RBM19: variants seen among roughly 807,000 people sequenced by gnomAD.
RBM19 encodes the protein RNA binding motif protein 19, also known as probable RNA-binding protein 19.
A neutral mutation model predicts 116.8 loss-of-function variants in RBM19; 94 were observed. The observed-to-expected ratio is 0.80, with a 90% CI of 0.68 to 0.95. The LOEUF (loss-of-function observed/expected upper bound fraction) is 0.95, where lower values mean the gene tolerates loss of function less well. RBM19 is among the 40% of genes least tolerant of loss of function. The pLI is 0.00. For synonymous variants in RBM19, 475 were observed against 494.1 expected, an observed-to-expected ratio of 0.96 and a Z score of 0.51; for missense variants, 1,161 against 1,220.7, an observed-to-expected ratio of 0.95 and a Z score of 0.73.
intron 21 of RBM19, among the ~76,000 whole-genome samples, chr12:113,895,885 A>G (rs892101002): frequency 6.6e-6 from 1 of 150,540 alleles, no homozygotes; most frequent in Non-Finnish European, 1.5e-5. Flanking sequence ...CATATAGGAT[A>G]TATTTTATAT....
intron 16 of RBM19, among the ~76,000 whole-genome samples, chr12:113,931,218 C>G (rs1208486715): frequency 1.3e-5 from 2 of 152,088 alleles, no homozygotes; most frequent in Non-Finnish European, 2.9e-5. Context: ...CAGCAAAGTG[C>G]AGGTGTATAC....
At chr12:113,883,042 CAGAG>C (rs567200530) in intron 21 of RBM19, among the ~76,000 whole-genome samples, 5 of 149,782 alleles carry the variant, frequency 3.3e-5, no homozygotes, top group East Asian at 1.9e-4. Flanking sequence ...GAAAGAGAGA[CAGAG>C]AGAGAGAGAG....
Position 113,927,065 on chromosome 12 carries a change from T to G in RBM19, c.2233A>C (p.Lys745Gln), listed in dbSNP as rs754425485. 6.2e-7 allele frequency: 1 copy of G among 1,612,942 alleles called. No homozygotes were observed. Among genetic ancestry groups the G allele is most frequent in the East Asian group, 2.2e-5 (1 of 44,886 alleles). Residue 745 changes from lysine to glutamine, a missense_variant, in exon 17 of 24, where the codon AAG becomes CAG. Coordinates refer to ENST00000261741, the MANE Select transcript of RBM19 (RefSeq NM_016196.4). Reference protein sequence around the residue: ...KNLNFDTTEEKLKEVFSKVGT... With the variant: ...KNLNFDTTEEQLKEVFSKVGT... Reference sequence around the variant, plus strand: ...GAGAAACCACTCACTTCCTTCAGCTTCTCTTCTGTTGTGTCAAAATTGAGA... The same window carrying G: ...GAGAAACCACTCACTTCCTTCAGCTGCTCTTCTGTTGTGTCAAAATTGAGA...
chr12:113,852,389 G>A (rs894400849), intron 22 of RBM19, among the ~76,000 whole-genome samples: 2 of 152,176 alleles, frequency 1.3e-5, no homozygotes, highest in Non-Finnish European at 2.9e-5. Context: ...ATGCAAGCTC[G>A]GGATTCAAAC....
intron 21 of RBM19, among the ~76,000 whole-genome samples, chr12:113,889,132 C>T (rs1190293886): frequency 3.3e-5 from 5 of 152,214 alleles, no homozygotes; most frequent in Non-Finnish European, 7.3e-5. Flanking sequence ...CCCTACAGGC[C>T]ACAGTCTCTC....
intron 21 of RBM19, among the ~76,000 whole-genome samples, chr12:113,869,187 G>C (rs1196257511): frequency 6.6e-6 from 1 of 152,208 alleles, no homozygotes; most frequent in Non-Finnish European, 1.5e-5. Flanking sequence ...GTGAACATCA[G>C]GAGTTCCCAG....
rs1216191078 is a variant in RBM19, at chr12:113,942,408, G to A, written c.1653C>T (p.Arg551=). ...DHETKGSVAV[R]VALGETQLVQ... Reference sequence around the variant, plus strand: ...CGAGCTGGGTTTCCCCCAGAGCCACGCGCACGGCCACGCTGCCCTTGGTCT... The same window carrying A: ...CGAGCTGGGTTTCCCCCAGAGCCACACGCACGGCCACGCTGCCCTTGGTCT... The change falls in exon 14 of 24, where the codon CGC becomes CGT. Residue 551 remains arginine (R), a synonymous_variant. Transcript: ENST00000261741. 6.2e-6 allele frequency: 10 copies of A among 1,608,552 alleles called. No individual in the cohort carries two copies. The highest frequency in any genetic ancestry group is 2.2e-5 in the South Asian group (2 of 90,946).
intron 23 of RBM19, among the ~76,000 whole-genome samples, chr12:113,841,422 C>CTTTTTTTTTTT (rs71089416): frequency 1.4e-4 from 18 of 129,986 alleles, no homozygotes; most frequent in East Asian, 4.4e-4. Context: ...TTTTTCTTTT[C>CTTTTTTTTTTT]TTTTTTTTTT....
Position 113,823,039 on chromosome 12 carries a change from G to A in RBM19, c.*185C>T, listed in dbSNP as rs1225885066. The A allele has an allele frequency of 6.7e-6, 4 of 597,440 alleles. No homozygotes were observed. In the East Asian group the frequency reaches 1.1e-4, roughly 17 times the overall value. 37.0% of individuals were successfully genotyped at this position (597,440 alleles called of 1,614,324 possible). A position where few individuals can be genotyped will look rare whatever the true frequency, so the allele number is the denominator to read the frequency against. On this transcript the variant is annotated 3_prime_UTR_variant, in exon 24 of 24. Coordinates refer to ENST00000261741, the MANE Select transcript of RBM19 (RefSeq NM_016196.4). ...GTCACTGGTGAAACCCAGGATGCCT[G>A]GGCCGCTGGGCAGTGGCCTGAGGCC... is the stretch of plus-strand genomic sequence containing the variant.
chr12:113,934,713 G>A (rs998362380), intron 16 of RBM19, among the ~76,000 whole-genome samples: 2 of 152,178 alleles, frequency 1.3e-5, no homozygotes, highest in African/African-American at 4.8e-5. Flanking sequence ...ATTTGTGAGA[G>A]TGGGGACAAA....
At position 113,966,249 on chromosome 12, in the gene RBM19, T is replaced by G. The variant is rs372221120; in HGVS notation, c.-22A>C. ...ACATGGCGCAGGGTCCCCGCTGTTT[T>G]GATTCCAACACGACTGGTCAGCGTC... On this transcript the variant is annotated 5_prime_UTR_variant, in exon 1 of 24. Coordinates refer to ENST00000261741, the MANE Select transcript of RBM19 (RefSeq NM_016196.4). 2.0e-4 allele frequency: 327 copies of G among 1,614,144 alleles called. 2 individuals carry two copies. In the South Asian group the frequency reaches 3.2e-3, roughly 16 times the overall value.
intron 23 of RBM19, among the ~76,000 whole-genome samples, chr12:113,837,575 A>G (rs1876082168): frequency 6.6e-6 from 1 of 152,184 alleles, no homozygotes; most frequent in Non-Finnish European, 1.5e-5. Context: ...CATCGTACCA[A>G]TGACGGAGCT....
intron 21 of RBM19, among the ~76,000 whole-genome samples, chr12:113,901,797 G>A (rs1229163105): frequency 1.3e-5 from 2 of 152,116 alleles, no homozygotes; most frequent in Non-Finnish European, 2.9e-5. Flanking sequence ...TTACAGGCGT[G>A]AGCCACCATG....
rs142906633 is a variant in RBM19 at position 113,878,012 on chromosome 12, C to T, written c.2559-19116G>A. 4.6e-4 allele frequency among the ~76,000 whole-genome samples: 70 copies of T among 152,350 alleles called. 1 individual carries two copies. The highest frequency in any genetic ancestry group is 1.2e-3 in the African/African-American group (51 of 41,582). On this transcript the variant is annotated intron_variant, in intron 21 of 23. Transcript: ENST00000261741. ...GGGTAAATACAATTTTACTAGAACA[C>T]GGCTACTCTTATTCTCTTATGTCTC...
intron 22 of RBM19, among the ~76,000 whole-genome samples, chr12:113,858,277 G>A (rs1344033078): frequency 2.0e-5 from 3 of 152,256 alleles, no homozygotes; most frequent in Non-Finnish European, 4.4e-5. Flanking sequence ...ATGCACGCTT[G>A]CATGCAGCTG....
rs1872093136 is a variant in RBM19, at chr12:113,957,794, C to T, written c.828G>A (p.Glu276=). ...GATACACACGCACCTCGGCTCTGGCCTCCGGTGGTCTCTTTTTCCCAGCTG... is the reference window on the plus strand; with the variant it reads ...GATACACACGCACCTCGGCTCTGGCTTCCGGTGGTCTCTTTTTCCCAGCTG... ...GMPAGKKRPP[E]ARAETEKPAN... The change falls in exon 6 of 24, where the codon GAG becomes GAA. Residue 276 remains glutamate (E), a synonymous_variant. Transcript: ENST00000261741. The T allele has an allele frequency of 6.3e-7, 1 of 1,596,552 alleles. No individual in the cohort carries two copies. The highest frequency in any genetic ancestry group is 8.5e-7 in the Non-Finnish European group (1 of 1,170,184).
At chr12:113,913,908 C>A (rs1882609105) in intron 21 of RBM19, among the ~76,000 whole-genome samples, 1 of 152,232 alleles carries the variant, frequency 6.6e-6, no homozygotes, top group Admixed American at 6.5e-5. Flanking sequence ...CTTCATCTGC[C>A]TTTGCATTCT....
Position 113,844,773 on chromosome 12 carries a change from G to T in RBM19, c.2680C>A (p.Leu894Met), listed in dbSNP as rs1346649503. 1 of 1,612,952 alleles carries T rather than the reference G, an allele frequency of 6.2e-7. No homozygotes were observed. Among genetic ancestry groups the T allele is most frequent in the South Asian group, 1.1e-5 (1 of 90,912 alleles). Residue 894 changes from leucine (L) to methionine (M), a missense_variant, in exon 23 of 24, where the codon CTG (leucine) becomes ATG (methionine). By Grantham distance (15) the Leu-to-Met change is conservative. Coordinates refer to ENST00000261741, the MANE Select transcript of RBM19 (RefSeq NM_016196.4). ...CCGTACAAGTGGGTGCTGTGACACA[G>T]GGCGTTGAAGGCTCTCTGCAGAGGG... ...KQDAKRAFNA[L>M]CHSTHLYGRR...
intron 15 of RBM19, among the ~76,000 whole-genome samples, chr12:113,937,628 C>A (rs1870189980): frequency 6.6e-6 from 1 of 151,952 alleles, no homozygotes; most frequent in Non-Finnish European, 1.5e-5. Context: ...GATAGCTGGG[C>A]ATGGTGGCAC....
Sources: allele counts gnomAD v4.1 joint callset (sites outside exome capture counted in the v4.1 genomes callset), GRCh38; gene constraint gnomAD v4.1.1; transcripts MANE v1.5; gene names NCBI Gene and HGNC (gene_info 2026-07-23, HGNC 2026-07-21).